The following PDZD2 variants were observed in gnomAD, a reference collection of about 807,000 sequenced individuals.
The protein encoded by PDZD2 is PDZ domain-containing protein 2.
A neutral mutation model predicts 220.7 loss-of-function variants in PDZD2; 90 were observed. The ratio of observed to expected loss-of-function variants is 0.41; its 90% CI spans 0.34 to 0.49. PDZD2 has a LOEUF of 0.49. PDZD2 is among the 20% of genes least tolerant of loss of function. The pLI, the probability that PDZD2 is intolerant of heterozygous loss-of-function variation, is 0.28. For synonymous variants in PDZD2, 1,375 were observed against 1,450.5 expected, an observed-to-expected ratio of 0.95 and a Z score of 1.18; for missense variants, 3,174 against 3,608.5, an observed-to-expected ratio of 0.88 and a Z score of 3.08.
intron 3 of PDZD2, among the ~76,000 whole-genome samples, chr5:31,987,984 C>T (rs1302609757): frequency 1.3e-5 from 2 of 152,194 alleles, no homozygotes; most frequent in South Asian, 2.1e-4. Flanking sequence ...TCTCTTTACT[C>T]CCATAACTTC....
chr5:31,797,375 A>G (rs1754109240), intron 1 of PDZD2, among the ~76,000 whole-genome samples: 2 of 152,100 alleles, frequency 1.3e-5, no homozygotes, highest in African/African-American at 4.8e-5. Flanking sequence ...ACGATGTGGT[A>G]GGTGCTGTGC....
In PDZD2 at chr5:31,789,676, G is replaced by A. The variant is rs540474007; in HGVS notation, c.-360-9213G>A. Among the ~76,000 whole-genome samples the A allele has an allele frequency of 2.6e-4, 40 of 152,280 alleles. 1 individual carries two copies. The highest frequency in any genetic ancestry group is 2.0e-3 in the Admixed American group (30 of 15,304). On this transcript the variant is annotated intron_variant, in intron 1 of 24. Transcript: ENST00000438447. ...GGGCGTGGTGGCTCATGCCTATAAC[G>A]CCAGCACTTTGGGAGGCCGAGGCAT...
At chr5:32,071,858 A>G (rs1301507829) in intron 16 of PDZD2, among the ~76,000 whole-genome samples, 2 of 152,070 alleles carry the variant, frequency 1.3e-5, no homozygotes, top group Non-Finnish European at 2.9e-5. Flanking sequence ...TTCCCATCGC[A>G]TCCCCCCAGT....
At chr5:31,886,605 G>A (rs1740501459) in intron 2 of PDZD2, among the ~76,000 whole-genome samples, 1 of 119,584 alleles carries the variant, frequency 8.4e-6, no homozygotes, top group Admixed American at 8.5e-5. Context: ...CCACGGCCCA[G>A]GGTGGAATTG....
intron 2 of PDZD2, among the ~76,000 whole-genome samples, chr5:31,801,433 C>T (rs1754381701): frequency 6.6e-6 from 1 of 152,150 alleles, no homozygotes; most frequent in Admixed American, 6.5e-5. Flanking sequence ...TTCCTGGAGG[C>T]TGGGTCCAGG....
Position 31,930,796 on chromosome 5 carries a change from G to A in PDZD2, c.477-52359G>A, listed in dbSNP as rs531450223. Among the ~76,000 whole-genome samples, 216 of 152,188 alleles carry A rather than the reference G, an allele frequency of 1.4e-3. 1 individual carries two copies. The highest frequency in any genetic ancestry group is 3.5e-3 in the African/African-American group (146 of 41,530). On this transcript the variant is annotated intron_variant, in intron 2 of 24. Transcript: ENST00000438447. The stretch of plus-strand genomic sequence containing the variant: ...TAAAAAACCCACTATGCGACCAGAC[G>A]CGGTGGCTCAGGCCTGTAATCCCAG...
At chr5:31,640,497 C>T (rs938458333) in intron 1 of PDZD2, among the ~76,000 whole-genome samples, 2 of 152,230 alleles carry the variant, frequency 1.3e-5, no homozygotes, top group Non-Finnish European at 2.9e-5. Flanking sequence ...CGCAATGAAA[C>T]TACTGGAAGT....
chr5:32,018,635 A>G (rs916556851), intron 6 of PDZD2, among the ~76,000 whole-genome samples: 6 of 152,222 alleles, frequency 3.9e-5, no homozygotes, highest in Non-Finnish European at 8.8e-5. Flanking sequence ...GCGGCCACAC[A>G]TGCCAATCCA....
intron 2 of PDZD2, among the ~76,000 whole-genome samples, chr5:31,873,557 A>ATT (rs1392441079): frequency 6.7e-6 from 1 of 149,914 alleles, no homozygotes; most frequent in African/African-American, 2.4e-5. Flanking sequence ...TTATTTATTT[A>ATT]TTTATTTATT....
rs981642770 is a variant in PDZD2, at chr5:31,639,870, C to T, written c.-361+433C>T. 6.6e-6 allele frequency among the ~76,000 whole-genome samples: 1 copy of T among 152,218 alleles called. No homozygotes were observed. The highest frequency in any genetic ancestry group is 1.5e-5 in the Non-Finnish European group (1 of 68,042). On this transcript the variant is annotated intron_variant, in intron 1 of 24. Transcript: ENST00000438447. The surrounding 1 kb of genome is among the most constrained non-coding windows in gnomAD (Gnocchi z 4.1). ...CAGGTAATGTCTTGGGGACCATCCT[C>T]CCTCGGGCTTGTTTCATCTCTCAAC...
chr5:31,726,360 C>T (rs1160164254), intron 1 of PDZD2, among the ~76,000 whole-genome samples: 3 of 152,198 alleles, frequency 2.0e-5, no homozygotes, highest in Admixed American at 6.5e-5. Flanking sequence ...GAAACCCTGT[C>T]TCTCCTAAAA....
intron 12 of PDZD2, among the ~76,000 whole-genome samples, chr5:32,058,859 T>A (rs904440886): frequency 1.3e-5 from 2 of 152,158 alleles, no homozygotes; most frequent in Admixed American, 1.3e-4. Flanking sequence ...AGAAACATGA[T>A]GGAAGATTAA....
intron 2 of PDZD2, among the ~76,000 whole-genome samples, chr5:31,928,507 G>C (rs1015751754): frequency 6.6e-6 from 1 of 151,136 alleles, no homozygotes; most frequent in African/African-American, 2.4e-5. Context: ...TCAGAGTCTT[G>C]CTCTGTCATC....
At chr5:31,823,288 GAA>G (rs1306542415) in intron 2 of PDZD2, among the ~76,000 whole-genome samples, 3 of 151,372 alleles carry the variant, frequency 2.0e-5, no homozygotes, top group Non-Finnish European at 2.9e-5. Context: ...AAGGCATGGT[GAA>G]ACCTGTCTTT....
intron 6 of PDZD2, among the ~76,000 whole-genome samples, chr5:32,019,432 C>G (rs1236189989): frequency 1.3e-5 from 2 of 152,216 alleles, no homozygotes; most frequent in South Asian, 2.1e-4. Flanking sequence ...GCGTGAGCCA[C>G]GTTTCCCAGC....
At chr5:32,044,902 G>A (rs1437497974) in intron 7 of PDZD2, among the ~76,000 whole-genome samples, 1 of 152,178 alleles carries the variant, frequency 6.6e-6, no homozygotes, top group Non-Finnish European at 1.5e-5. Context: ...TTAAGGAATT[G>A]GGCTTTGATT....
intron 5 of PDZD2, among the ~76,000 whole-genome samples, chr5:32,007,333 C>T (rs1215302836): frequency 6.6e-6 from 1 of 151,002 alleles, no homozygotes; most frequent in African/African-American, 2.4e-5. Context: ...CTTTAATGGT[C>T]GCAGAGTAGT....
chr5:32,080,226 TAG>T (rs1274774826), intron 19 of PDZD2, among the ~76,000 whole-genome samples: 5 of 151,382 alleles, frequency 3.3e-5, no homozygotes, highest in Non-Finnish European at 7.4e-5. Flanking sequence ...TGGGCACCTG[TAG>T]TCCCAACTAC....
chr5:32,034,608 G>T (rs534296086), intron 6 of PDZD2, among the ~76,000 whole-genome samples: 1 of 151,942 alleles, frequency 6.6e-6, no homozygotes, highest in Non-Finnish European at 1.5e-5. Flanking sequence ...TGATCCACCC[G>T]TCTCCGCTTC....
Sources: gnomAD v4.1 joint callset for allele counts (sites outside exome capture counted in the v4.1 genomes callset) on GRCh38, gnomAD v4.1.1 for gene constraint, Gnocchi (gnomAD v3.1) non-coding constraint, MANE v1.5 for transcripts, NCBI Gene and HGNC (gene_info 2026-07-23, HGNC 2026-07-21) for gene names.